The following FAM181A variants were observed in gnomAD, a reference collection of about 807,000 sequenced individuals.
FAM181A encodes protein FAM181A.
In FAM181A, 7 loss-of-function variants were observed where a neutral mutation model predicts 16.3. That is an observed-to-expected ratio of 0.43 (90% CI 0.24 to 0.81). The LOEUF is 0.81. Among genes scored for constraint, FAM181A ranks in the 30% least tolerant of loss-of-function variants. The pLI is 0.24. For synonymous variants in FAM181A, 183 were observed against 164.9 expected, an observed-to-expected ratio of 1.11 and a Z score of -0.84; for missense variants, 349 against 377.5, an observed-to-expected ratio of 0.92 and a Z score of 0.63.
At chr14:93,927,276 G>A (rs1035294357), upstream of FAM181A, 31 of 1,015,878 alleles carry the variant, frequency 3.1e-5, no homozygotes, top group East Asian at 4.4e-4. Flanking sequence ...CTGGAGAGGC[G>A]CTCCTGATTG....
chr14:93,927,240 C>T (rs1887942717), upstream of FAM181A: 3 of 991,004 alleles, frequency 3.0e-6, no homozygotes, highest in Non-Finnish European at 3.6e-6. Flanking sequence ...AACGGGGCGC[C>T]GCCGCCTGAT....
At chr14:93,921,642 C>A (rs1302511914) in intron 1 of FAM181A, among the ~76,000 whole-genome samples, 1 of 152,212 alleles carries the variant, frequency 6.6e-6, no homozygotes, top group Non-Finnish European at 1.5e-5. Context: ...CGCTGCCAGG[C>A]CACTCTGTCC....
intron 1 of FAM181A, 40 bp downstream of exon 1, chr14:93,927,494 G>A (rs1322782189): frequency 4.7e-6 from 6 of 1,268,120 alleles, no homozygotes; most frequent in Non-Finnish European, 5.1e-6. Flanking sequence ...CGACTGGGTG[G>A]CGGGTGTGGG....
At chr14:93,926,072 A>G (rs1429471668), upstream of FAM181A, among the ~76,000 whole-genome samples, 1 of 152,020 alleles carries the variant, frequency 6.6e-6, no homozygotes, top group African/African-American at 2.4e-5. The surrounding 1 kb of genome is among the most constrained non-coding windows in gnomAD (Gnocchi z 5.2). Context: ...CGCACAGGCC[A>G]CCAGCCATCT....
At chr14:93,927,774 G>C in intron 1 of FAM181A, 1 of 706,466 alleles carries the variant, frequency 1.4e-6, no homozygotes, top group Non-Finnish European at 2.0e-6. Flanking sequence ...AGGGAGGAAG[G>C]GGGCTTGGCC....
At chr14:93,925,232 G>A (rs562339779), upstream of FAM181A, 11 of 1,599,836 alleles carry the variant, frequency 6.9e-6, no homozygotes, top group South Asian at 1.1e-4. Flanking sequence ...GGGATCTCAA[G>A]GAAGCTGGGA....
chr14:93,924,040 A>T (rs1369912810), upstream of FAM181A: 2 of 152,260 alleles, frequency 1.3e-5, no homozygotes, highest in Non-Finnish European at 2.9e-5. Flanking sequence ...ATTTAAAAAA[A>T]TAAGACAGGA....
rs199563772 is a variant in FAM181A, at chr14:93,928,359, T to C, written c.74T>C (p.Leu25Pro). The C allele has an allele frequency of 1.1e-5, 17 of 1,613,914 alleles. No homozygotes were observed. Among genetic ancestry groups the C allele is most frequent in the Non-Finnish European group, 1.4e-5 (16 of 1,180,018 alleles). Residue 25 changes from leucine to proline, a missense_variant, in exon 2 of 2, where the codon CTG becomes CCG. By Grantham distance (98) the Leu-to-Pro change is moderately conservative (BLOSUM62 -3). Coordinates refer to ENST00000556222, the MANE Select transcript of FAM181A (RefSeq NM_001207073.2). ...GCGTCCAGCGACATCAAGGCAGCCC[T>C]GGATAAGTCCGCACCCTGCCGCCGC... ...NLASSDIKAA[L>P]DKSAPCRRSV...
Position 93,929,322 on chromosome 14 carries a change from A to AGT in FAM181A, c.*160_*161dup, listed in dbSNP as rs1374480993. 58 of 1,041,342 alleles carry AGT rather than the reference A, an allele frequency of 5.6e-5. No individual in the cohort carries two copies. The highest frequency in any genetic ancestry group is 7.2e-5 in the Non-Finnish European group (55 of 768,718). 64.5% of individuals were successfully genotyped at this position (1,041,342 alleles called of 1,614,324 possible). A position where few individuals can be genotyped will look rare whatever the true frequency, so the allele number is the denominator to read the frequency against. The stretch of plus-strand genomic sequence containing the variant: ...AGGATTGGGGCAGGGCTCCTCAGGC[A>AGT]GTGACCCTTCAGCCTTGCAGCCTTG... On this transcript the variant is annotated 3_prime_UTR_variant, in exon 2 of 2. Transcript: ENST00000556222.
intron 1 of FAM181A, among the ~76,000 whole-genome samples, chr14:93,920,231 C>T (rs10873441): frequency 0.25 from 37,923 of 151,862 alleles, 4,916 homozygotes; most frequent in African/African-American, 0.33. Flanking sequence ...CTGGGAAAAA[C>T]AGTAAGACCT....
Position 93,929,179 on chromosome 14 carries a change from C to A in FAM181A, c.*15C>A. On this transcript the variant is annotated 3_prime_UTR_variant, in exon 2 of 2. Coordinates refer to ENST00000556222, the MANE Select transcript of FAM181A (RefSeq NM_001207073.2). The stretch of plus-strand genomic sequence containing the variant: ...GCTACCTCTAGCCACGCGGAGAGGG[C>A]CTCAGCCCCCACCTCTGGCCTGCAG... 6.6e-7 allele frequency: 1 copy of A among 1,510,114 alleles called. No homozygotes were observed. Among genetic ancestry groups the A allele is most frequent in the South Asian group, 1.3e-5 (1 of 74,560 alleles). 93.5% of individuals were successfully genotyped at this position (1,510,114 alleles called of 1,614,324 possible). A position where few individuals can be genotyped will look rare whatever the true frequency, so the allele number is the denominator to read the frequency against.
chr14:93,928,055 C>A, intron 1 of FAM181A, 144 bp from the exon 2 acceptor site: 2 of 1,333,760 alleles, frequency 1.5e-6, no homozygotes, highest in African/African-American at 1.5e-5. Context: ...CAGCCACTTG[C>A]ACCCACATCC....
At chr14:93,925,986 G>A (rs925801088), upstream of FAM181A, among the ~76,000 whole-genome samples, 6 of 152,172 alleles carry the variant, frequency 3.9e-5, no homozygotes, top group Non-Finnish European at 4.4e-5. Flanking sequence ...CCCCAGTCTG[G>A]GTAGGGAGAC....
At chr14:93,921,201 G>A (rs1887710351) in intron 1 of FAM181A, among the ~76,000 whole-genome samples, 1 of 152,210 alleles carries the variant, frequency 6.6e-6, no homozygotes, top group Non-Finnish European at 1.5e-5. Context: ...ACACAGCCAG[G>A]TAGGGGCAGA....
upstream of FAM181A, chr14:93,926,310 G>C (rs966376546): frequency 6.6e-6 from 1 of 152,252 alleles, no homozygotes; most frequent in African/African-American, 2.4e-5. This position sits in a 1 kb window ranked among gnomAD's most constrained non-coding sequence, Gnocchi z 5.2. Context: ...AGGGCCAACA[G>C]CGGCTCTGGG....
At position 93,928,953 on chromosome 14, in the gene FAM181A, T is replaced by A. The variant is rs753928843; in HGVS notation, c.668T>A (p.Ile223Asn). 10 of 1,613,896 alleles carry A rather than the reference T, an allele frequency of 6.2e-6. No homozygotes were observed. The South Asian group carries it at 1.1e-4, about 18-fold the overall frequency. ...CCPFQYHGQP[I>N]YPGPLGALPQ... ...CCCTTCCAGTACCATGGACAGCCCA[T>A]CTATCCGGGCCCCCTGGGGGCACTG... Residue 223 changes from isoleucine (I) to asparagine (N), a missense_variant, in exon 2 of 2, where the codon ATC becomes AAC. Transcript: ENST00000556222.
At position 93,927,487 on chromosome 14, in the gene FAM181A, C is replaced by G. The variant is rs1887954100; in HGVS notation, c.-88+33C>G. The G allele has an allele frequency of 1.2e-5, 15 of 1,261,236 alleles. No homozygotes were observed. The Admixed American group carries it at 3.5e-4, about 30-fold the overall frequency. 78.1% of individuals were successfully genotyped at this position (1,261,236 alleles called of 1,614,324 possible). The stretch of plus-strand genomic sequence containing the variant: ...TGGAGGCCCGGTGGCTCTGGCCCGA[C>G]TGGGTGGCGGGTGTGGGGGCAGGCT... On this transcript the variant is annotated intron_variant, in intron 1 of 1. Transcript: ENST00000556222.
At chr14:93,923,293 A>T (rs1328700941), upstream of FAM181A, 1 of 152,274 alleles carries the variant, frequency 6.6e-6, no homozygotes, top group African/African-American at 2.4e-5. Flanking sequence ...ACATATTTTT[A>T]AATGGGCATC....
upstream of FAM181A, among the ~76,000 whole-genome samples, chr14:93,925,558 G>A (rs1450999130): frequency 6.6e-6 from 1 of 152,188 alleles, no homozygotes; most frequent in Non-Finnish European, 1.5e-5. Context: ...GTCAGGGTGG[G>A]CTGGGACGTG....
Sources: gnomAD v4.1 joint callset for allele counts (sites outside exome capture counted in the v4.1 genomes callset) on GRCh38, gnomAD v4.1.1 for gene constraint, Gnocchi (gnomAD v3.1) non-coding constraint, MANE v1.5 for transcripts, NCBI Gene and HGNC (gene_info 2026-07-23, HGNC 2026-07-21) for gene names.